TTBK2: variants seen among roughly 807,000 people sequenced by gnomAD.
TTBK2 encodes the protein tau-tubulin kinase 2.
Under a neutral mutation model 110.8 loss-of-function variants are expected in TTBK2, and 28 were observed. The ratio of observed to expected loss-of-function variants is 0.25; its 90% CI spans 0.19 to 0.35. The LOEUF (loss-of-function observed/expected upper bound fraction) is 0.35. Among genes scored for constraint, TTBK2 ranks in the 10% least tolerant of loss-of-function variants. TTBK2 has a pLI of 1.00. For synonymous variants in TTBK2, 532 were observed against 527.3 expected (o/e 1.01, Z -0.12); for missense variants, 1,369 against 1,500.3 (o/e 0.91, Z 1.45).
intron 2 of TTBK2, among the ~76,000 whole-genome samples, chr15:42,874,163 A>G (rs888548352): frequency 6.6e-6 from 1 of 152,190 alleles, no homozygotes; most frequent in African/African-American, 2.4e-5. Flanking sequence ...CCTGCTACAG[A>G]GAAACTAAGC....
intron 6 of TTBK2, among the ~76,000 whole-genome samples, chr15:42,824,203 AC>A (rs1253885951): frequency 2.0e-5 from 3 of 152,164 alleles, no homozygotes; most frequent in African/African-American, 7.2e-5. Flanking sequence ...CACTTCCAGC[AC>A]TGGAATCAAA....
chr15:42,874,302 A>AT, intron 2 of TTBK2, among the ~76,000 whole-genome samples: 1 of 151,830 alleles, frequency 6.6e-6, no homozygotes, highest in Non-Finnish European at 1.5e-5. Flanking sequence ...ATCCTTCTTT[A>AT]TTTTTTTATT....
At chr15:42,845,869 G>C (rs1317871802) in intron 3 of TTBK2, among the ~76,000 whole-genome samples, 1 of 152,072 alleles carries the variant, frequency 6.6e-6, no homozygotes, top group African/African-American at 2.4e-5. Context: ...TCCTAGGCTA[G>C]AAACCTGTAT....
At chr15:42,798,188 A>C (rs1891029749) in intron 9 of TTBK2, 1 of 455,942 alleles carries the variant, frequency 2.2e-6, no homozygotes, top group Non-Finnish European at 4.4e-6. Flanking sequence ...CCAGCCTCTC[A>C]TTCTTTTTTA....
intron 9 of TTBK2, among the ~76,000 whole-genome samples, chr15:42,803,453 G>A (rs1234197332): frequency 1.3e-5 from 2 of 152,132 alleles, no homozygotes; most frequent in Non-Finnish European, 2.9e-5. Context: ...ATTCAGAAGT[G>A]CCCCATGTGG....
chr15:42,885,836 A>G (rs1239931999), intron 1 of TTBK2, among the ~76,000 whole-genome samples: 2 of 152,074 alleles, frequency 1.3e-5, no homozygotes, highest in Non-Finnish European at 2.9e-5. Context: ...CAAGAACTTA[A>G]AACCTCTTCA....
rs79544926 is a variant in TTBK2, at chr15:42,779,666, T to C, written c.1198-2424A>G. Among the ~76,000 whole-genome samples, 477 of 152,182 alleles carry C rather than the reference T, an allele frequency of 3.1e-3. 3 individuals are homozygous for C. Among genetic ancestry groups the C allele is most frequent in the Non-Finnish European group, 4.8e-3 (326 of 68,004 alleles). On this transcript the variant is annotated intron_variant, in intron 11 of 14. Coordinates refer to ENST00000267890, the MANE Select transcript of TTBK2 (RefSeq NM_173500.4). ...TGAAAGTCCATATAAACATTACTTG[T>C]ATAAAAGAACAACATTAATAATCCA... is the stretch of plus-strand genomic sequence containing the variant.
chr15:42,777,329 A>G, intron 11 of TTBK2, 87 bp from the exon 12 acceptor site: 1 of 1,338,698 alleles, frequency 7.5e-7, no homozygotes, highest in Non-Finnish European at 1.0e-6. Context: ...AATAATATAA[A>G]TAAATGATTA....
intron 9 of TTBK2, among the ~76,000 whole-genome samples, chr15:42,795,206 A>G (rs768676593): frequency 6.6e-6 from 1 of 151,980 alleles, no homozygotes; most frequent in Non-Finnish European, 1.5e-5. Context: ...CAGTGTTAAC[A>G]TGTAACGTGT....
chr15:42,861,158 G>A (rs781698594), intron 3 of TTBK2, among the ~76,000 whole-genome samples: 1 of 152,030 alleles, frequency 6.6e-6, no homozygotes, highest in African/African-American at 2.4e-5. Flanking sequence ...ATAATAGTGG[G>A]AGACTTCAAC....
At chr15:42,814,315 A>C (rs1288161380) in intron 7 of TTBK2, among the ~76,000 whole-genome samples, 1 of 152,200 alleles carries the variant, frequency 6.6e-6, no homozygotes, top group Non-Finnish European at 1.5e-5. Flanking sequence ...ATGGTGGCTC[A>C]TGCATGTAAT....
In TTBK2 at chr15:42,752,865, C is replaced by T. The variant is rs746184898; in HGVS notation, c.2381G>A (p.Ser794Asn). Residue 794 changes from serine to asparagine, a missense_variant, in exon 14 of 15, where the codon AGT (serine) becomes AAT (asparagine). Transcript: ENST00000267890. The part of the protein sequence containing the change: ...LESDNEDEKL[S>N]RGQHCIEISS... Reference sequence around the variant, plus strand: ...GATCTCAATACAATGCTGCCCTCTACTTAACTTCTCATCTTCATTATCTGA... The same window carrying T: ...GATCTCAATACAATGCTGCCCTCTATTTAACTTCTCATCTTCATTATCTGA... The T allele has an allele frequency of 6.2e-7, 1 of 1,614,178 alleles. No individual in the cohort carries two copies.
chr15:42,848,985 G>A (rs780796810), intron 3 of TTBK2, among the ~76,000 whole-genome samples: 2 of 152,034 alleles, frequency 1.3e-5, no homozygotes, highest in African/African-American at 2.4e-5. Context: ...TTTCTATATA[G>A]ACAATCATGT....
At chr15:42,854,410 G>A (rs1893848934) in intron 3 of TTBK2, among the ~76,000 whole-genome samples, 1 of 152,160 alleles carries the variant, frequency 6.6e-6, no homozygotes, top group Non-Finnish European at 1.5e-5. Context: ...GTCATTGAGA[G>A]GTTCTGGGCT....
chr15:42,800,072 C>A (rs1436396560), intron 9 of TTBK2, among the ~76,000 whole-genome samples: 1 of 151,908 alleles, frequency 6.6e-6, no homozygotes, highest in African/African-American at 2.4e-5. Context: ...GCACTCCAGC[C>A]TGGGTGACAG....
intron 1 of TTBK2, among the ~76,000 whole-genome samples, chr15:42,881,882 T>A (rs983282482): frequency 1.3e-5 from 2 of 150,768 alleles, no homozygotes; most frequent in African/African-American, 2.4e-5. Context: ...AAAAAAAAAA[T>A]AAAAAATTTA....
chr15:42,860,311 A>G (rs946936228), intron 3 of TTBK2, among the ~76,000 whole-genome samples: 1 of 152,112 alleles, frequency 6.6e-6, no homozygotes, highest in African/African-American at 2.4e-5. Context: ...ACATCTAAAC[A>G]TACTATTTTC....
At chr15:42,902,986 CAAAA>C (rs34312217) in intron 1 of TTBK2, among the ~76,000 whole-genome samples, 2 of 71,334 alleles carry the variant, frequency 2.8e-5, no homozygotes, top group African/African-American at 9.7e-5. Context: ...CTCTGTTTCT[CAAAA>C]AAAAAAAAAA....
At chr15:42,764,253 G>C (rs565598693) in intron 13 of TTBK2, among the ~76,000 whole-genome samples, 1 of 152,320 alleles carries the variant, frequency 6.6e-6, no homozygotes, top group East Asian at 1.9e-4. Flanking sequence ...ACTGGGACTG[G>C]TTGGACAGTG....
Sources: allele counts gnomAD v4.1 joint callset (sites outside exome capture counted in the v4.1 genomes callset), GRCh38; gene constraint gnomAD v4.1.1; transcripts MANE v1.5; gene names NCBI Gene and HGNC (gene_info 2026-07-23, HGNC 2026-07-21).